Variants in VWA8 observed in about 807,000 individuals in gnomAD.
VWA8 encodes the protein von Willebrand factor A domain containing 8, also known as von Willebrand factor A domain-containing protein 8.
VWA8 carries 221 observed loss-of-function variants against 241.5 expected under a neutral mutation model. The observed-to-expected ratio is 0.91, with a 90% CI of 0.82 to 1.02. The LOEUF is 1.02. Ranked by LOEUF, VWA8 falls within the 50% of genes least tolerant of loss-of-function variation. The probability of loss-of-function intolerance (pLI) is 0.00; values close to 1 mark genes in which losing one functional copy is unlikely to be tolerated. For synonymous variants in VWA8, 852 were observed against 827.1 expected (o/e 1.03, Z -0.52); for missense variants, 2,322 against 2,328.7 (o/e 1.00, Z 0.06).
At chr13:41,907,203 C>A (rs2002348) in intron 4 of VWA8, among the ~76,000 whole-genome samples, 9,783 of 152,128 alleles carry the variant, frequency 0.064, 398 homozygotes, top group East Asian at 0.11. Flanking sequence ...ACCTTTAATA[C>A]CCCTTTACCC....
At chr13:41,636,092 A>C (rs972590690) in intron 37 of VWA8, among the ~76,000 whole-genome samples, 4 of 152,176 alleles carry the variant, frequency 2.6e-5, no homozygotes, top group Non-Finnish European at 5.9e-5. Flanking sequence ...ATAACCAGAG[A>C]AGTTAGAACT....
At chr13:41,581,063 A>G (rs113338068) in intron 42 of VWA8, among the ~76,000 whole-genome samples, 1 of 80,332 alleles carries the variant, frequency 1.2e-5, no homozygotes, top group African/African-American at 1.1e-4. Flanking sequence ...GCAGTGGCGC[A>G]ATCTCGGCTC....
chr13:41,850,702 T>C (rs1323135341), intron 12 of VWA8, among the ~76,000 whole-genome samples: 1 of 151,980 alleles, frequency 6.6e-6, no homozygotes, highest in East Asian at 1.9e-4. Flanking sequence ...GGTTGGCTGG[T>C]AAAAAGCTTT....
chr13:41,784,697 CATATAT>C (rs59582293), intron 18 of VWA8, among the ~76,000 whole-genome samples: 4,073 of 56,824 alleles, frequency 0.072, 270 homozygotes, highest in Non-Finnish European at 0.12. Flanking sequence ...TATACATATA[CATATAT>C]ATATATATAT....
intron 2 of VWA8, among the ~76,000 whole-genome samples, chr13:41,931,393 A>T (rs1877114469): frequency 6.6e-6 from 1 of 150,766 alleles, no homozygotes; most frequent in Admixed American, 6.6e-5. Flanking sequence ...GAAAAAAAAC[A>T]TTGGTTACCA....
At chr13:41,634,350 A>G (rs932131871) in intron 37 of VWA8, among the ~76,000 whole-genome samples, 1 of 152,186 alleles carries the variant, frequency 6.6e-6, no homozygotes, top group Admixed American at 6.6e-5. Context: ...GACCTAACAC[A>G]GTGCAATGTT....
intron 9 of VWA8, among the ~76,000 whole-genome samples, chr13:41,869,998 T>C (rs543631327): frequency 6.6e-6 from 1 of 152,214 alleles, no homozygotes; most frequent in South Asian, 2.1e-4. Context: ...GAAAATAGAT[T>C]TGGGAGGAAG....
At chr13:41,667,127 T>C (rs1429413855) in intron 37 of VWA8, among the ~76,000 whole-genome samples, 1 of 152,204 alleles carries the variant, frequency 6.6e-6, no homozygotes, top group Non-Finnish European at 1.5e-5. Flanking sequence ...AATTTACTAA[T>C]AGTCAGCCAG....
intron 12 of VWA8, 31 bp downstream of exon 12, chr13:41,865,705 G>A: frequency 2.5e-6 from 4 of 1,610,318 alleles, no homozygotes; most frequent in Non-Finnish European, 3.4e-6. Flanking sequence ...TATGCTTATA[G>A]TCCAAGTGCA....
Position 41,571,328 on chromosome 13 carries a change from G to GTCTCCCTCTCCCTCTCCC in VWA8, c.5371-640_5371-623dup, listed in dbSNP as rs879586722. On this transcript the variant is annotated intron_variant, in intron 43 of 44. Transcript: ENST00000379310. ...TCTCCCTCCTCCCTCTCCCTCTCCCGTCTCCCTCTCCCTCTCCCGTCTCCC... is the reference window on the plus strand; with the variant it reads ...TCTCCCTCCTCCCTCTCCCTCTCCCGTCTCCCTCTCCCTCTCCCTCTCCCTCTCCCTCTCCCGTCTCCC... Among the ~76,000 whole-genome samples, 134 of 98,478 alleles carry GTCTCCCTCTCCCTCTCCC rather than the reference G, an allele frequency of 1.4e-3. 3 individuals are homozygous for GTCTCCCTCTCCCTCTCCC. Among genetic ancestry groups the GTCTCCCTCTCCCTCTCCC allele is most frequent in the African/African-American group, 5.3e-3 (126 of 23,884 alleles). 64.6% of individuals were successfully genotyped at this position (98,478 alleles called of 152,430 possible). A position where few individuals can be genotyped will look rare whatever the true frequency, so the allele number is the denominator to read the frequency against.
At chr13:41,627,454 C>A (rs183870715) in intron 37 of VWA8, among the ~76,000 whole-genome samples, 1 of 152,134 alleles carries the variant, frequency 6.6e-6, no homozygotes, top group Non-Finnish European at 1.5e-5. Context: ...CAAGCAGGTT[C>A]GCTAGGGCCG....
intron 1 of VWA8, among the ~76,000 whole-genome samples, chr13:41,957,609 A>C (rs1197572931): frequency 2.0e-5 from 3 of 152,098 alleles, no homozygotes; most frequent in Non-Finnish European, 4.4e-5. Context: ...CCATCTCAAA[A>C]ATAAATAAAT....
At chr13:41,879,748 G>T (rs2138068910) in intron 9 of VWA8, among the ~76,000 whole-genome samples, 1 of 152,012 alleles carries the variant, frequency 6.6e-6, no homozygotes, top group South Asian at 2.1e-4. Flanking sequence ...TAGATACACA[G>T]AGGGTGTTGT....
intron 2 of VWA8, among the ~76,000 whole-genome samples, chr13:41,947,232 T>G (rs879757806): frequency 6.6e-6 from 1 of 152,224 alleles, no homozygotes; most frequent in Non-Finnish European, 1.5e-5. Flanking sequence ...ATCATTGATT[T>G]ATTTTTTCTT....
chr13:41,937,921 G>A (rs1361267954), intron 2 of VWA8, among the ~76,000 whole-genome samples: 1 of 152,156 alleles, frequency 6.6e-6, no homozygotes, highest in Non-Finnish European at 1.5e-5. Flanking sequence ...AGCACTTTGG[G>A]ACAACGAGGT....
chr13:41,858,955 T>A (rs1872881906), intron 12 of VWA8, among the ~76,000 whole-genome samples: 1 of 152,056 alleles, frequency 6.6e-6, no homozygotes. Context: ...TTCACACTTG[T>A]AATCTCAGAG....
intron 9 of VWA8, among the ~76,000 whole-genome samples, chr13:41,873,771 A>G (rs1026139917): frequency 1.3e-5 from 2 of 152,234 alleles, no homozygotes; most frequent in African/African-American, 2.4e-5. Flanking sequence ...AGGAACTGGT[A>G]TCATTCCTTC....
At chr13:41,948,425 G>C (rs1439457580) in intron 2 of VWA8, among the ~76,000 whole-genome samples, 1 of 152,128 alleles carries the variant, frequency 6.6e-6, no homozygotes, top group Non-Finnish European at 1.5e-5. Flanking sequence ...ATGGAGTGAT[G>C]AAAACGTTAG....
At chr13:41,807,499 A>T (rs185310801) in intron 17 of VWA8, among the ~76,000 whole-genome samples, 5 of 152,376 alleles carry the variant, frequency 3.3e-5, no homozygotes, top group Non-Finnish European at 7.3e-5. Flanking sequence ...ATCATGACCA[A>T]GCGGGATTTA....
Sources: gnomAD v4.1 joint callset for allele counts (sites outside exome capture counted in the v4.1 genomes callset) on GRCh38, gnomAD v4.1.1 for gene constraint, MANE v1.5 for transcripts, NCBI Gene and HGNC (gene_info 2026-07-23, HGNC 2026-07-21) for gene names.